The following STAU2 variants were observed in gnomAD, a reference collection of about 807,000 sequenced individuals.
STAU2 encodes the protein staufen double-stranded RNA binding protein 2, also known as double-stranded RNA-binding protein Staufen homolog 2.
Under a neutral mutation model 65.9 loss-of-function variants are expected in STAU2, and 20 were observed. The observed-to-expected ratio is 0.30, with a 90% CI of 0.21 to 0.44. The LOEUF (loss-of-function observed/expected upper bound fraction) is 0.44. Ranked by LOEUF, STAU2 falls within the 20% of genes least tolerant of loss-of-function variation. STAU2 has a pLI of 1.00. For missense variants in STAU2, 558 were observed against 683.9 expected, an observed-to-expected ratio of 0.82 and a Z score of 2.05; for synonymous variants, 232 against 233.9, an observed-to-expected ratio of 0.99 and a Z score of 0.07.
At chr8:73,602,667 G>A (rs1004767519) in intron 10 of STAU2, among the ~76,000 whole-genome samples, 1 of 149,786 alleles carries the variant, frequency 6.7e-6, no homozygotes, top group African/African-American at 2.5e-5. Flanking sequence ...AGGCTGCAGT[G>A]AGCCATGATC....
chr8:73,550,249 G>GT, intron 13 of STAU2: 3 of 985,260 alleles, frequency 3.0e-6, no homozygotes, highest in Non-Finnish European at 2.4e-6. Context: ...AGTATATTAT[G>GT]TAAGCATAAG....
At chr8:73,478,798 T>C (rs565393873) in intron 13 of STAU2, among the ~76,000 whole-genome samples, 1 of 152,134 alleles carries the variant, frequency 6.6e-6, no homozygotes. Context: ...AAAAAATCAC[T>C]TTAAATATTT....
rs564220125 is a variant in STAU2, at chr8:73,658,169, G to A, written c.410+14938C>T. ...ACCTGAGGTCAGGAGTTCAAGACCA[G>A]CCTGACCAACATGGTGAAACCCCAT... On this transcript the variant is annotated intron_variant, in intron 6 of 14. Coordinates refer to ENST00000524300, the MANE Select transcript of STAU2 (RefSeq NM_001164380.2). 7.2e-5 allele frequency among the ~76,000 whole-genome samples: 11 copies of A among 152,084 alleles called. No individual in the cohort carries two copies. The East Asian group carries it at 2.1e-3, about 29-fold the overall frequency.
At chr8:73,461,641 CAGAG>C (rs1303746532) in intron 13 of STAU2, among the ~76,000 whole-genome samples, 1 of 151,928 alleles carries the variant, frequency 6.6e-6, no homozygotes, top group Non-Finnish European at 1.5e-5. Flanking sequence ...AAGAGGCCAA[CAGAG>C]AGCACAAGCA....
At chr8:73,708,340 G>C (rs1820662717) in intron 4 of STAU2, among the ~76,000 whole-genome samples, 1 of 152,070 alleles carries the variant, frequency 6.6e-6, no homozygotes, top group Non-Finnish European at 1.5e-5. Flanking sequence ...CAATAGCCAA[G>C]ATATAAATGT....
rs112314968 is a variant in STAU2, at chr8:73,447,180, G to C, written c.1531-24478C>G. On this transcript the variant is annotated intron_variant, in intron 13 of 14. Transcript: ENST00000524300. The stretch of plus-strand genomic sequence containing the variant: ...AGGCTGGTCTCGAACTCCTGACCTC[G>C]TGATCTGCCCGCCTCGGCCTCCCAA... Among the ~76,000 whole-genome samples the C allele has an allele frequency of 4.2e-3, 642 of 152,280 alleles. 8 individuals carry two copies. The highest frequency in any genetic ancestry group is 0.014 in the African/African-American group (601 of 41,566).
At chr8:73,655,877 T>C (rs1816331695) in intron 6 of STAU2, among the ~76,000 whole-genome samples, 2 of 151,940 alleles carry the variant, frequency 1.3e-5, no homozygotes, top group African/African-American at 4.8e-5. Context: ...CTCAATCTCC[T>C]GACCTCGTGA....
Position 73,463,262 on chromosome 8 carries a change from C to T in STAU2, c.1531-40560G>A, listed in dbSNP as rs557370810. 2.2e-4 allele frequency among the ~76,000 whole-genome samples: 34 copies of T among 152,328 alleles called. 1 individual carries two copies. The highest frequency in any genetic ancestry group is 4.9e-4 in the Non-Finnish European group (33 of 68,032). ...CCTTGTGCATGGCAACATGCATGTGCTGGACTTTTGCTGGTCTATTTTTAC... is the reference window on the plus strand; with the variant it reads ...CCTTGTGCATGGCAACATGCATGTGTTGGACTTTTGCTGGTCTATTTTTAC... On this transcript the variant is annotated intron_variant, in intron 13 of 14. Coordinates refer to ENST00000524300, the MANE Select transcript of STAU2 (RefSeq NM_001164380.2).
chr8:73,573,342 G>T lies in STAU2; in HGVS notation c.1222+9428C>A, dbSNP rs368971712. Among the ~76,000 whole-genome samples the T allele has an allele frequency of 9.2e-5, 14 of 152,320 alleles. No homozygotes were observed. The South Asian group carries it at 2.9e-3, about 32-fold the overall frequency. On this transcript the variant is annotated intron_variant, in intron 12 of 14. Coordinates refer to ENST00000524300, the MANE Select transcript of STAU2 (RefSeq NM_001164380.2). ...GGCATACTGCCCAAGGTAATTTATAGATTCAATGCCATTCCCATCAAGCTA... is the reference window on the plus strand; with the variant it reads ...GGCATACTGCCCAAGGTAATTTATATATTCAATGCCATTCCCATCAAGCTA...
intron 13 of STAU2, among the ~76,000 whole-genome samples, chr8:73,528,063 T>C (rs1283991453): frequency 6.6e-6 from 1 of 152,166 alleles, no homozygotes; most frequent in African/African-American, 2.4e-5. Flanking sequence ...AACTAAATGC[T>C]ATACCTATCT....
chr8:73,635,849 A>G (rs1445863400), intron 6 of STAU2, among the ~76,000 whole-genome samples: 3 of 151,696 alleles, frequency 2.0e-5, no homozygotes. Context: ...TAATCTGGAG[A>G]GAGAGGGAGC....
At chr8:73,428,229 C>T (rs1816975178) in intron 13 of STAU2, among the ~76,000 whole-genome samples, 1 of 152,174 alleles carries the variant, frequency 6.6e-6, no homozygotes, top group Admixed American at 6.5e-5. Flanking sequence ...TGGGATTTGT[C>T]TATGTTTGGC....
Position 73,639,911 on chromosome 8 carries a change from G to A in STAU2, c.411-22460C>T, listed in dbSNP as rs149577423. ...CATAAAATTTTATACACTGGTAACAGCATTCAAATCAAAGAGGTGAAGTAT... is the reference window on the plus strand; with the variant it reads ...CATAAAATTTTATACACTGGTAACAACATTCAAATCAAAGAGGTGAAGTAT... On this transcript the variant is annotated intron_variant, in intron 6 of 14. Transcript: ENST00000524300. 6.6e-4 allele frequency among the ~76,000 whole-genome samples: 101 copies of A among 152,212 alleles called. 1 individual carries two copies. In the East Asian group the frequency reaches 0.018, roughly 28 times the overall value.
At chr8:73,521,707 C>T (rs568796319) in intron 13 of STAU2, among the ~76,000 whole-genome samples, 58 of 152,312 alleles carry the variant, frequency 3.8e-4, no homozygotes, top group Non-Finnish European at 7.3e-4. Context: ...ACCTTCCAGT[C>T]AGCCACTTGA....
intron 13 of STAU2, among the ~76,000 whole-genome samples, chr8:73,531,960 A>G (rs1805850114): frequency 6.6e-6 from 1 of 152,208 alleles, no homozygotes; most frequent in African/African-American, 2.4e-5. Context: ...TCATCACCCT[A>G]TGTTTTGTAA....
intron 13 of STAU2, among the ~76,000 whole-genome samples, chr8:73,477,995 C>T (rs780103733): frequency 5.3e-5 from 8 of 151,466 alleles, no homozygotes; most frequent in East Asian, 3.9e-4. Flanking sequence ...TATTGTCTGA[C>T]ACACTGAAGT....
chr8:73,567,625 G>A (rs1006802633), intron 12 of STAU2, among the ~76,000 whole-genome samples: 23 of 150,968 alleles, frequency 1.5e-4, no homozygotes, highest in African/African-American at 5.4e-4. Flanking sequence ...TGTGCTCACT[G>A]CAACCTCCAC....
At chr8:73,621,766 T>C (rs541319286) in intron 6 of STAU2, among the ~76,000 whole-genome samples, 39 of 152,258 alleles carry the variant, frequency 2.6e-4, no homozygotes, top group African/African-American at 8.9e-4. Flanking sequence ...AAGCCTGATC[T>C]GCTGCATCAG....
At chr8:73,537,754 A>G (rs1485853780) in intron 13 of STAU2, among the ~76,000 whole-genome samples, 2 of 152,256 alleles carry the variant, frequency 1.3e-5, no homozygotes, top group African/African-American at 4.8e-5. Flanking sequence ...AGGAAGAACA[A>G]ACATGAAAAA....
Sources: allele counts gnomAD v4.1 joint callset (sites outside exome capture counted in the v4.1 genomes callset), GRCh38; gene constraint gnomAD v4.1.1; transcripts MANE v1.5; gene names NCBI Gene and HGNC (gene_info 2026-07-23, HGNC 2026-07-21).